The following HIP1 variants were observed in gnomAD, a reference collection of about 807,000 sequenced individuals.
HIP1 encodes huntingtin interacting protein 1.
HIP1 carries 65 observed loss-of-function variants against 147.6 expected under a neutral mutation model. The observed-to-expected ratio is 0.44, with a 90% CI of 0.36 to 0.54. The LOEUF is 0.54. HIP1 is among the 20% of genes least tolerant of loss of function. The pLI, the probability that HIP1 is intolerant of heterozygous loss-of-function variation, is 0.00. For missense variants in HIP1, 1,061 were observed against 1,299.6 expected, an observed-to-expected ratio of 0.82 and a Z score of 2.82; for synonymous variants, 479 against 504.0, an observed-to-expected ratio of 0.95 and a Z score of 0.67.
At chr7:75,642,609 G>C (rs1798683673) in intron 1 of HIP1, among the ~76,000 whole-genome samples, 2 of 152,144 alleles carry the variant, frequency 1.3e-5, no homozygotes. Context: ...CCCCATTCTT[G>C]TCTATCCTCT....
chr7:75,605,026 T>G (rs1554503632), intron 1 of HIP1, among the ~76,000 whole-genome samples: 2 of 152,158 alleles, frequency 1.3e-5, no homozygotes, highest in Non-Finnish European at 2.9e-5. Context: ...CCTTTTAAAC[T>G]GAGACACTGC....
chr7:75,676,547 C>T (rs1255965038), intron 1 of HIP1, among the ~76,000 whole-genome samples: 4 of 151,776 alleles, frequency 2.6e-5, no homozygotes, highest in Admixed American at 6.6e-5. Flanking sequence ...GAGGCTGAGG[C>T]GGGCAGATCA....
intron 9 of HIP1, among the ~76,000 whole-genome samples, chr7:75,567,142 A>G (rs977287264): frequency 2.0e-5 from 3 of 150,202 alleles, no homozygotes; most frequent in South Asian, 4.2e-4. Flanking sequence ...ACAAACAAAA[A>G]CAGAATGGAG....
intron 1 of HIP1, among the ~76,000 whole-genome samples, chr7:75,681,518 T>G (rs1800069054): frequency 1.0e-5 from 1 of 96,496 alleles, no homozygotes; most frequent in Admixed American, 1.0e-4. Flanking sequence ...TTTTTTTTTT[T>G]TTTTTTGAGA....
intron 1 of HIP1, among the ~76,000 whole-genome samples, chr7:75,667,577 C>T (rs1337604176): frequency 2.0e-5 from 3 of 152,198 alleles, no homozygotes; most frequent in African/African-American, 7.2e-5. Flanking sequence ...TCTTGAGCTC[C>T]TGGGCTCAGG....
chr7:75,670,243 T>C (rs782285983), intron 1 of HIP1, among the ~76,000 whole-genome samples: 2 of 152,134 alleles, frequency 1.3e-5, no homozygotes, highest in Non-Finnish European at 2.9e-5. Flanking sequence ...TCCAAACTCC[T>C]GGGCTCAAGC....
At chr7:75,610,857 T>C (rs1351536897) in intron 1 of HIP1, among the ~76,000 whole-genome samples, 1 of 147,380 alleles carries the variant, frequency 6.8e-6, no homozygotes, top group Non-Finnish European at 1.5e-5. Context: ...TATATATATA[T>C]ATTTATATAT....
intron 1 of HIP1, among the ~76,000 whole-genome samples, chr7:75,614,856 C>A (rs1563246493): frequency 2.0e-5 from 3 of 152,086 alleles, no homozygotes; most frequent in African/African-American, 4.8e-5. Context: ...GCATTGCAAC[C>A]TCTGCCTCCC....
At chr7:75,674,535 T>C (rs2705816) in intron 1 of HIP1, among the ~76,000 whole-genome samples, 104,642 of 150,036 alleles carry the variant, frequency 0.7, 36,848 homozygotes, top group African/African-American at 0.78. Context: ...CTCTGTCGCC[T>C]AGGCTGTAGT....
chr7:75,683,494 G>T (rs958407372), intron 1 of HIP1, among the ~76,000 whole-genome samples: 18 of 152,284 alleles, frequency 1.2e-4, no homozygotes, highest in Middle Eastern at 3.4e-3. Context: ...GTGTGTGTGT[G>T]TACCTGTGTG....
chr7:75,581,323 TA>T (rs1554498549), intron 6 of HIP1, 25 bp from the exon 7 acceptor site: 2 of 1,592,600 alleles, frequency 1.3e-6, no homozygotes, highest in Non-Finnish European at 1.7e-6. Context: ...AAAGAGAGCT[TA>T]CACTCCACAG....
chr7:75,555,727 C>A (rs1794976209), intron 18 of HIP1, among the ~76,000 whole-genome samples, 176 bp from the exon 19 acceptor site: 1 of 152,106 alleles, frequency 6.6e-6, no homozygotes. Context: ...TGCGGCTGCC[C>A]ACGATGTGCG....
chr7:75,589,272 A>C (rs1796395994), intron 4 of HIP1, among the ~76,000 whole-genome samples: 1 of 152,188 alleles, frequency 6.6e-6, no homozygotes, highest in Admixed American at 6.6e-5. Context: ...GGCAAACTGA[A>C]GGCTAGAGTT....
At chr7:75,540,427 G>A (rs1297816304) in intron 29 of HIP1, among the ~76,000 whole-genome samples, 2 of 72,472 alleles carry the variant, frequency 2.8e-5, no homozygotes, top group South Asian at 5.1e-4. Flanking sequence ...AGCAAGACTC[G>A]GTCTCAAAAA....
At chr7:75,732,522 A>G (rs1190358854) in intron 1 of HIP1, among the ~76,000 whole-genome samples, 1 of 151,962 alleles carries the variant, frequency 6.6e-6, no homozygotes, top group Non-Finnish European at 1.5e-5. Flanking sequence ...AGGCAGCACC[A>G]CCATGCCCAG....
intron 1 of HIP1, among the ~76,000 whole-genome samples, chr7:75,705,424 G>A (rs1452444640): frequency 6.6e-6 from 1 of 150,502 alleles, no homozygotes; most frequent in Non-Finnish European, 1.5e-5. Flanking sequence ...CTGGAGTACA[G>A]TGGCGCAATC....
At chr7:75,705,390 G>A (rs564734708) in intron 1 of HIP1, among the ~76,000 whole-genome samples, 1 of 147,506 alleles carries the variant, frequency 6.8e-6, no homozygotes, top group Non-Finnish European at 1.5e-5. Context: ...TTTTTGAGAC[G>A]AAGTTTCACT....
At chr7:75,603,358 A>C (rs1554503346) in intron 1 of HIP1, among the ~76,000 whole-genome samples, 1 of 148,328 alleles carries the variant, frequency 6.7e-6, no homozygotes, top group Non-Finnish European at 1.5e-5. Flanking sequence ...AAAAAAAAAA[A>C]AATGGAGCCT....
At chr7:75,552,453 G>A (rs781902918) in intron 22 of HIP1, among the ~76,000 whole-genome samples, 4 of 151,798 alleles carry the variant, frequency 2.6e-5, no homozygotes, top group Non-Finnish European at 5.9e-5. Flanking sequence ...GGGCTCAAGC[G>A]ATCCTCCTGC....
Sources: allele counts gnomAD v4.1 joint callset (sites outside exome capture counted in the v4.1 genomes callset), GRCh38; gene constraint gnomAD v4.1.1; transcripts MANE v1.5; gene names NCBI Gene and HGNC (gene_info 2026-07-23, HGNC 2026-07-21).